GNA13: variants seen among roughly 807,000 people sequenced by gnomAD.
GNA13 encodes the protein guanine nucleotide-binding protein subunit alpha-13.
In GNA13, 4 loss-of-function variants were observed where a neutral mutation model predicts 33.5. The observed-to-expected ratio is 0.12, with a 90% CI of 0.06 to 0.27. The LOEUF is 0.27. Ranked by LOEUF, GNA13 falls within the 10% of genes least tolerant of loss-of-function variation. GNA13 has a pLI of 1.00. For missense variants in GNA13, 319 were observed against 487.2 expected (o/e 0.65, Z 3.25); for synonymous variants, 176 against 183.8 (o/e 0.96, Z 0.34).
intron 2 of GNA13, among the ~76,000 whole-genome samples, chr17:65,045,275 T>C (rs1907617462): frequency 6.6e-6 from 1 of 151,898 alleles, no homozygotes; most frequent in Non-Finnish European, 1.5e-5. Flanking sequence ...ATCCCAGCAC[T>C]TTGGGAGGCT....
intron 2 of GNA13, among the ~76,000 whole-genome samples, chr17:65,046,271 A>G (rs1567826889): frequency 6.6e-6 from 1 of 152,070 alleles, no homozygotes; most frequent in Non-Finnish European, 1.5e-5. Context: ...TATTATAATT[A>G]TCAATACTAT....
intron 2 of GNA13, among the ~76,000 whole-genome samples, chr17:65,034,610 T>C (rs924368350): frequency 6.6e-6 from 1 of 152,014 alleles, no homozygotes; most frequent in Non-Finnish European, 1.5e-5. Context: ...AGGCTAATAA[T>C]CTTAATGATC....
chr17:65,030,568 T>C (rs1214828322), intron 2 of GNA13, among the ~76,000 whole-genome samples: 1 of 152,250 alleles, frequency 6.6e-6, no homozygotes, highest in Admixed American at 6.5e-5. Flanking sequence ...ATTCAAAAGT[T>C]TGTTTGCTAC....
chr17:65,043,124 G>GCTCA (rs1342809734), intron 2 of GNA13, among the ~76,000 whole-genome samples: 1 of 152,160 alleles, frequency 6.6e-6, no homozygotes, highest in African/African-American at 2.4e-5. Flanking sequence ...ACTTGCCTGA[G>GCTCA]CTCACACAGC....
chr17:65,033,819 C>A (rs1252638937), intron 2 of GNA13, among the ~76,000 whole-genome samples: 1 of 151,918 alleles, frequency 6.6e-6, no homozygotes, highest in Non-Finnish European at 1.5e-5. Context: ...TTGAGACCAG[C>A]CTGGCCAATA....
chr17:65,022,470 T>C (rs149832986), intron 2 of GNA13, among the ~76,000 whole-genome samples: 1 of 152,108 alleles, frequency 6.6e-6, no homozygotes, highest in Non-Finnish European at 1.5e-5. Context: ...ACCACACTTT[T>C]AAGGCACAGT....
chr17:65,038,608 C>G (rs763577359), intron 2 of GNA13, among the ~76,000 whole-genome samples: 2 of 151,860 alleles, frequency 1.3e-5, no homozygotes, highest in African/African-American at 4.8e-5. Context: ...GACGGGGTTG[C>G]GGGGGGGCGT....
chr17:65,022,213 C>T (rs1243649654), intron 2 of GNA13, among the ~76,000 whole-genome samples: 1 of 152,184 alleles, frequency 6.6e-6, no homozygotes, highest in African/African-American at 2.4e-5. Context: ...AACACAGCCA[C>T]GCTCACCTGT....
intron 3 of GNA13, among the ~76,000 whole-genome samples, chr17:65,016,827 A>G (rs902246246): frequency 2.6e-5 from 4 of 152,240 alleles, no homozygotes; most frequent in African/African-American, 4.8e-5. Context: ...CACAGCGTTC[A>G]GCCTACCTCT....
At position 65,012,008 on chromosome 17, in the gene GNA13, T is replaced by C. The variant is rs560556225; in HGVS notation, c.*2249A>G. On this transcript the variant is annotated 3_prime_UTR_variant, in exon 4 of 4. Transcript: ENST00000439174. The stretch of plus-strand genomic sequence containing the variant: ...GCCTAAGTTGAATATAAGTAATTCA[T>C]TGCCTCAAAATATAGTCTAGATTTT... 100 of 228,112 alleles carry C rather than the reference T, an allele frequency of 4.4e-4. 2 individuals are homozygous for C. Among genetic ancestry groups the C allele is most frequent in the South Asian group, 3.6e-3 (20 of 5,494 alleles). The allele number at this position is 228,112 out of a possible 1,614,324, so 14.1% of individuals were successfully genotyped here.
intron 1 of GNA13, chr17:65,055,523 C>T: frequency 1.3e-6 from 1 of 755,138 alleles, no homozygotes; most frequent in Non-Finnish European, 1.6e-6. Context: ...TCCCTTCCTG[C>T]CAGCCCCCAG....
At chr17:65,042,815 A>G (rs757422477) in intron 2 of GNA13, among the ~76,000 whole-genome samples, 1 of 152,222 alleles carries the variant, frequency 6.6e-6, no homozygotes, top group African/African-American at 2.4e-5. Context: ...ATACAGTCTA[A>G]TAAGAAAACA....
At chr17:65,054,407 T>A (rs1907960245) in intron 1 of GNA13, among the ~76,000 whole-genome samples, 1 of 152,218 alleles carries the variant, frequency 6.6e-6, no homozygotes, top group Admixed American at 6.5e-5. Context: ...TTTATTAAGT[T>A]TGATCAATCT....
In GNA13 at chr17:65,036,365, G is replaced by A. The variant is rs192248295; in HGVS notation, c.510+17137C>T. Among the ~76,000 whole-genome samples, 15 of 152,160 alleles carry A rather than the reference G, an allele frequency of 9.9e-5. No homozygotes were observed. In the South Asian group the frequency reaches 1.9e-3, roughly 19 times the overall value. On this transcript the variant is annotated intron_variant, in intron 2 of 3. Coordinates refer to ENST00000439174, the MANE Select transcript of GNA13 (RefSeq NM_006572.6). Reference sequence around the variant, plus strand: ...AGCAAGGCAGCTGAGTATCAGCCTCGGGCTTTGGAATCCTACAACCCGGAG... The same window carrying A: ...AGCAAGGCAGCTGAGTATCAGCCTCAGGCTTTGGAATCCTACAACCCGGAG...
rs1361839506 is a variant in GNA13, at chr17:65,010,955, T to C, written c.*3302A>G. The C allele has an allele frequency of 1.0e-5, 2 of 200,290 alleles. No individual in the cohort carries two copies. The highest frequency in any genetic ancestry group is 2.3e-5 in the African/African-American group (1 of 43,478). The allele number at this position is 200,290 out of a possible 1,614,324, so 12.4% of individuals were successfully genotyped here. Reference sequence around the variant, plus strand: ...ATTTGAGGGTTTCTCAAATAGTGATTTGAATTTTAGGACATAACAGTGTAA... The same window carrying C: ...ATTTGAGGGTTTCTCAAATAGTGATCTGAATTTTAGGACATAACAGTGTAA... On this transcript the variant is annotated 3_prime_UTR_variant, in exon 4 of 4. Transcript: ENST00000439174.
chr17:65,047,369 A>G (rs1907702815), intron 2 of GNA13, among the ~76,000 whole-genome samples: 1 of 152,162 alleles, frequency 6.6e-6, no homozygotes, highest in Non-Finnish European at 1.5e-5. Flanking sequence ...AGCCTGTGTA[A>G]CAGAGTGAGA....
At chr17:65,035,431 G>A (rs1212960520) in intron 2 of GNA13, among the ~76,000 whole-genome samples, 2 of 152,058 alleles carry the variant, frequency 1.3e-5, no homozygotes, top group East Asian at 1.9e-4. Context: ...ATCCAATATC[G>A]TATTCAAATA....
intron 2 of GNA13, among the ~76,000 whole-genome samples, chr17:65,037,967 A>G (rs78317030): frequency 0.016 from 2,457 of 152,174 alleles, 43 homozygotes; most frequent in Non-Finnish European, 0.024. Flanking sequence ...TTCTGGATTC[A>G]AGACTCATGT....
Position 65,010,183 on chromosome 17 carries a change from C to T in GNA13, c.*4074G>A, listed in dbSNP as rs149021677. On this transcript the variant is annotated 3_prime_UTR_variant, in exon 4 of 4. Transcript: ENST00000439174. ...GAACATAACTTAAATGCTAACTACACGTTCAAGTACAGACATAAGAATGCT... is the reference window on the plus strand; with the variant it reads ...GAACATAACTTAAATGCTAACTACATGTTCAAGTACAGACATAAGAATGCT... Among the ~76,000 whole-genome samples the T allele has an allele frequency of 6.6e-6, 1 of 152,288 alleles. No individual in the cohort carries two copies. Among genetic ancestry groups the T allele is most frequent in the East Asian group, 1.9e-4 (1 of 5,186 alleles).
Sources: allele counts gnomAD v4.1 joint callset (sites outside exome capture counted in the v4.1 genomes callset), GRCh38; gene constraint gnomAD v4.1.1; transcripts MANE v1.5; gene names NCBI Gene and HGNC (gene_info 2026-07-23, HGNC 2026-07-21).